FAT3: variants seen among roughly 807,000 people sequenced by gnomAD.
The protein encoded by FAT3 is FAT atypical cadherin 3.
In FAT3, 95 loss-of-function variants were observed where a neutral mutation model predicts 310.2. The ratio of observed to expected loss-of-function variants is 0.31; its 90% CI spans 0.26 to 0.36. FAT3 has a LOEUF of 0.36. Among genes scored for constraint, FAT3 ranks in the 10% least tolerant of loss-of-function variants. FAT3 has a pLI of 1.00. For missense variants in FAT3, 5,408 were observed against 5,715.6 expected (o/e 0.95, Z 1.74); for synonymous variants, 2,314 against 2,192.9 (o/e 1.06, Z -1.54).
intron 2 of FAT3, chr11:92,366,441 G>A: frequency 2.7e-6 from 1 of 368,310 alleles, no homozygotes; most frequent in South Asian, 2.1e-5. Flanking sequence ...GGTGCACAGG[G>A]GGATGTGACA....
chr11:92,273,080 A>C (rs1453714095), intron 1 of FAT3, among the ~76,000 whole-genome samples: 3 of 152,094 alleles, frequency 2.0e-5, no homozygotes, highest in African/African-American at 7.2e-5. Flanking sequence ...TTTTCTATAA[A>C]TCAATCCTCT....
intron 2 of FAT3, among the ~76,000 whole-genome samples, chr11:92,515,277 A>G (rs1313729534): frequency 6.6e-6 from 1 of 152,124 alleles, no homozygotes; most frequent in African/African-American, 2.4e-5. Context: ...AGACATTTAT[A>G]TTCTGCCTAT....
intron 3 of FAT3, among the ~76,000 whole-genome samples, chr11:92,616,903 C>G (rs1316224231): frequency 6.6e-6 from 1 of 152,152 alleles, no homozygotes; most frequent in Non-Finnish European, 1.5e-5. Context: ...TCTGGCTGCC[C>G]TTAACATTTT....
At chr11:92,706,003 GTGGA>G (rs2135936267) in intron 4 of FAT3, among the ~76,000 whole-genome samples, 1 of 151,414 alleles carries the variant, frequency 6.6e-6, no homozygotes, top group Admixed American at 6.6e-5. Context: ...GGTGGTGGTG[GTGGA>G]GGAGATGACA....
At chr11:92,889,950 C>T in intron 27 of FAT3, 59 bp downstream of exon 27, 1 of 717,712 alleles carries the variant, frequency 1.4e-6, no homozygotes, top group Non-Finnish European at 2.6e-6. Flanking sequence ...TTGCTGAGTT[C>T]ATTCTTACCC....
chr11:92,414,785 C>T (rs1171242425), intron 2 of FAT3, among the ~76,000 whole-genome samples: 4 of 151,974 alleles, frequency 2.6e-5, no homozygotes, highest in South Asian at 2.1e-4. Flanking sequence ...CTGAGGCGGG[C>T]GGATCACGAG....
At chr11:92,463,350 A>C (rs1951681222) in intron 2 of FAT3, among the ~76,000 whole-genome samples, 1 of 152,174 alleles carries the variant, frequency 6.6e-6, no homozygotes, top group Non-Finnish European at 1.5e-5. Context: ...AGTGTTTAGA[A>C]TTGCTGGTTC....
Position 92,485,515 on chromosome 11 carries a change from A to G in FAT3, c.3293-39119A>G, listed in dbSNP as rs551505228. 1.2e-4 allele frequency among the ~76,000 whole-genome samples: 12 copies of G among 97,502 alleles called. No homozygotes were observed. The South Asian group carries it at 4.5e-3, about 36-fold the overall frequency. 64.0% of individuals were successfully genotyped at this position (97,502 alleles called of 152,430 possible). A position where few individuals can be genotyped will look rare whatever the true frequency, so the allele number is the denominator to read the frequency against. Reference sequence around the variant, plus strand: ...CATATTGATAGAATGGCTTATTTTAATCATCTTAATGAGGTACCAAATCCA... The same window carrying G: ...CATATTGATAGAATGGCTTATTTTAGTCATCTTAATGAGGTACCAAATCCA... On this transcript the variant is annotated intron_variant, in intron 2 of 27. Transcript: ENST00000525166.
chr11:92,671,489 G>A (rs9943627), intron 3 of FAT3, among the ~76,000 whole-genome samples: 1,656 of 151,786 alleles, frequency 0.011, 30 homozygotes, highest in African/African-American at 0.037. Context: ...ATTTGCCCCC[G>A]TCCTCAGCTT....
chr11:92,739,228 A>G (rs1945437876), intron 4 of FAT3, among the ~76,000 whole-genome samples: 2 of 152,208 alleles, frequency 1.3e-5, no homozygotes, highest in Admixed American at 1.3e-4. Flanking sequence ...CAACAGCCAT[A>G]CATCTTTGCC....
At chr11:92,849,907 C>T (rs1163077352) in intron 19 of FAT3, among the ~76,000 whole-genome samples, 1 of 152,120 alleles carries the variant, frequency 6.6e-6, no homozygotes, top group African/African-American at 2.4e-5. Flanking sequence ...ACAGAGAGCT[C>T]AGTGGGGTGG....
chr11:92,579,416 G>A (rs372536241), intron 3 of FAT3, among the ~76,000 whole-genome samples: 22 of 152,146 alleles, frequency 1.4e-4, no homozygotes, highest in African/African-American at 5.3e-4. Context: ...GTAAGCTACT[G>A]GAATGTACTA....
intron 18 of FAT3, among the ~76,000 whole-genome samples, chr11:92,841,817 C>T (rs1027577473): frequency 3.9e-5 from 6 of 152,200 alleles, no homozygotes; most frequent in Non-Finnish European, 8.8e-5. Context: ...TTCCCATTGC[C>T]ACTGCCTCAC....
At chr11:92,824,100 T>C (rs1252969613) in intron 13 of FAT3, among the ~76,000 whole-genome samples, 1 of 152,162 alleles carries the variant, frequency 6.6e-6, no homozygotes, top group East Asian at 1.9e-4. Context: ...CTCACCCCTG[T>C]AATCCCAACA....
At chr11:92,446,626 TCA>T (rs1951216490) in intron 2 of FAT3, among the ~76,000 whole-genome samples, 1 of 152,198 alleles carries the variant, frequency 6.6e-6, no homozygotes, top group Non-Finnish European at 1.5e-5. Flanking sequence ...AATTTTATTT[TCA>T]CTTAAAAGAA....
chr11:92,591,816 A>G (rs1288475112), intron 3 of FAT3, among the ~76,000 whole-genome samples: 2 of 152,064 alleles, frequency 1.3e-5, no homozygotes, highest in Non-Finnish European at 2.9e-5. Context: ...AAAAATGAAC[A>G]TTTTCTATCT....
intron 3 of FAT3, among the ~76,000 whole-genome samples, chr11:92,621,679 A>C (rs1419855803): frequency 6.6e-6 from 1 of 152,146 alleles, no homozygotes; most frequent in Non-Finnish European, 1.5e-5. Flanking sequence ...TTTTATTGTA[A>C]AGTCTTGTTC....
chr11:92,478,796 G>T (rs1029913254), intron 2 of FAT3, among the ~76,000 whole-genome samples: 1 of 151,802 alleles, frequency 6.6e-6, no homozygotes, highest in African/African-American at 2.4e-5. Context: ...AAAATTTTTT[G>T]TATTTTTAGT....
chr11:92,312,460 A>C (rs527754370), intron 1 of FAT3, among the ~76,000 whole-genome samples: 1 of 152,302 alleles, frequency 6.6e-6, no homozygotes, highest in Admixed American at 6.5e-5. Context: ...AGCCTCTGAA[A>C]GTAGATGAAT....
Sources: gnomAD v4.1 joint callset for allele counts (sites outside exome capture counted in the v4.1 genomes callset) on GRCh38, gnomAD v4.1.1 for gene constraint, MANE v1.5 for transcripts, NCBI Gene and HGNC (gene_info 2026-07-23, HGNC 2026-07-21) for gene names.